Variants in FER observed in about 807,000 individuals in gnomAD.
FER encodes FER tyrosine kinase.
In FER, 63 loss-of-function variants were observed where a neutral mutation model predicts 111.0. That is an observed-to-expected ratio of 0.57 (90% CI 0.46 to 0.70). The LOEUF (loss-of-function observed/expected upper bound fraction) is 0.70, where lower values mean the gene tolerates loss of function less well. Among genes scored for constraint, FER ranks in the 30% least tolerant of loss-of-function variants. FER has a pLI of 0.00. For missense variants in FER, 914 were observed against 954.0 expected (o/e 0.96, Z 0.55); for synonymous variants, 327 against 313.9 (o/e 1.04, Z -0.44).
intron 13 of FER, among the ~76,000 whole-genome samples, chr5:109,001,723 A>G (rs1391251128): frequency 1.3e-5 from 2 of 152,176 alleles, no homozygotes; most frequent in African/African-American, 2.4e-5. Context: ...ATGATTGTAT[A>G]TCTAGAAAAC....
chr5:109,018,858 T>C (rs577459342), intron 13 of FER, among the ~76,000 whole-genome samples: 1 of 151,752 alleles, frequency 6.6e-6, no homozygotes, highest in South Asian at 2.1e-4. Flanking sequence ...AAGCCCTTGT[T>C]TGGACAAATA....
In FER at chr5:108,903,141, A is replaced by G. The variant is rs1750278618; in HGVS notation, c.1236+5293A>G. Among the ~76,000 whole-genome samples, 3 of 152,290 alleles carry G rather than the reference A, an allele frequency of 2.0e-5. No homozygotes were observed. The South Asian group carries it at 6.2e-4, about 32-fold the overall frequency. On this transcript the variant is annotated intron_variant, in intron 10 of 19. Transcript: ENST00000281092. ...TATATGTCAGATATGTCTAGAATTT[A>G]TGGCACCATAAAATGAATTTCTACT...
intron 17 of FER, among the ~76,000 whole-genome samples, chr5:109,162,987 C>A (rs1466194157): frequency 1.3e-5 from 2 of 152,110 alleles, no homozygotes; most frequent in Non-Finnish European, 2.9e-5. Context: ...TTCCCTCACA[C>A]TGTTTTGCAG....
intron 17 of FER, among the ~76,000 whole-genome samples, chr5:109,135,163 T>C (rs1369752845): frequency 1.3e-5 from 2 of 152,132 alleles, no homozygotes. Context: ...GGTGGGGAAA[T>C]GGTTGGAGAT....
At position 109,193,264 on chromosome 5, in the gene FER, C is replaced by T. The variant is rs1759507378; in HGVS notation, c.*5689C>T. 6.6e-6 allele frequency: 1 copy of T among 152,066 alleles called. No individual in the cohort carries two copies. The highest frequency in any genetic ancestry group is 6.6e-5 in the Admixed American group (1 of 15,254). 9.4% of individuals were successfully genotyped at this position (152,066 alleles called of 1,614,324 possible). A position where few individuals can be genotyped will look rare whatever the true frequency, so the allele number is the denominator to read the frequency against. ...GACACAACGGTGGTTCAGCCCTCTC[C>T]CTAAGCAGTAGCAAGCTGAGTAATG... is the stretch of plus-strand genomic sequence containing the variant. On this transcript the variant is annotated 3_prime_UTR_variant, in exon 20 of 20. Transcript: ENST00000281092.
At position 109,191,806 on chromosome 5, in the gene FER, T is replaced by A. The variant is rs1759402322; in HGVS notation, c.*4231T>A. ...TTCACATCAAGTCTGAATACTATAT[T>A]TTGGAAGAATCCAAAACCACATATG... On this transcript the variant is annotated 3_prime_UTR_variant, in exon 20 of 20. Transcript: ENST00000281092. The A allele has an allele frequency of 6.6e-6, 1 of 152,158 alleles. No individual in the cohort carries two copies. The highest frequency in any genetic ancestry group is 1.5e-5 in the Non-Finnish European group (1 of 68,024). 9.4% of individuals were successfully genotyped at this position (152,158 alleles called of 1,614,324 possible).
chr5:108,795,741 T>C (rs1354075781), intron 2 of FER, among the ~76,000 whole-genome samples: 1 of 152,236 alleles, frequency 6.6e-6, no homozygotes, highest in Non-Finnish European at 1.5e-5. Context: ...TTGTTAAATT[T>C]ATCTAGATAG....
chr5:108,775,482 T>C (rs1413748909), intron 2 of FER, among the ~76,000 whole-genome samples: 2 of 152,210 alleles, frequency 1.3e-5, no homozygotes, highest in Non-Finnish European at 2.9e-5. Flanking sequence ...ATAATTCTGC[T>C]CTCCTTAAAT....
chr5:108,947,045 A>T (rs1197400803), intron 11 of FER, among the ~76,000 whole-genome samples: 1 of 152,046 alleles, frequency 6.6e-6, no homozygotes, highest in African/African-American at 2.4e-5. Context: ...TTTGTGACTG[A>T]ATAATACTCC....
intron 17 of FER, among the ~76,000 whole-genome samples, chr5:109,137,721 A>G (rs1005021164): frequency 3.3e-5 from 5 of 152,162 alleles, no homozygotes; most frequent in Admixed American, 6.6e-5. Flanking sequence ...AATCTGGCAA[A>G]AGGCCCATAA....
intron 13 of FER, among the ~76,000 whole-genome samples, chr5:108,993,453 C>G (rs1460859826): frequency 6.6e-6 from 1 of 152,056 alleles, no homozygotes; most frequent in Non-Finnish European, 1.5e-5. Flanking sequence ...GCAGGAGAAT[C>G]AGGCAGGGAG....
At chr5:108,965,297 A>G (rs1175060972) in intron 13 of FER, among the ~76,000 whole-genome samples, 1 of 152,204 alleles carries the variant, frequency 6.6e-6, no homozygotes, top group East Asian at 1.9e-4. Flanking sequence ...CCAGCCTTCT[A>G]ACTTCATCTG....
At chr5:109,053,121 T>C (rs1773073972) in intron 16 of FER, among the ~76,000 whole-genome samples, 1 of 152,096 alleles carries the variant, frequency 6.6e-6, no homozygotes, top group South Asian at 2.1e-4. Flanking sequence ...GAACAGTGGC[T>C]CACGCCTGTA....
At chr5:109,157,892 G>A in intron 17 of FER, among the ~76,000 whole-genome samples, 1 of 152,090 alleles carries the variant, frequency 6.6e-6, no homozygotes, top group Middle Eastern at 3.2e-3. Flanking sequence ...TGACATTTGA[G>A]ACAGAGTCAG....
rs561971518 is a variant in FER at position 109,194,570 on chromosome 5, C to T, written c.*6995C>T. ...GTAACCAAAGAAGACAATAGAAATCCCACTTTACCCCACTGTCATCAGTTA... is the reference window on the plus strand; with the variant it reads ...GTAACCAAAGAAGACAATAGAAATCTCACTTTACCCCACTGTCATCAGTTA... On this transcript the variant is annotated 3_prime_UTR_variant, in exon 20 of 20. Transcript: ENST00000281092. 47 of 152,196 alleles carry T rather than the reference C, an allele frequency of 3.1e-4. No individual in the cohort carries two copies. Among genetic ancestry groups the T allele is most frequent in the African/African-American group, 1.1e-3 (46 of 41,530 alleles). The allele number at this position is 152,196 out of a possible 1,614,324, so 9.4% of individuals were successfully genotyped here. A position where few individuals can be genotyped will look rare whatever the true frequency, so the allele number is the denominator to read the frequency against.
At chr5:109,043,047 G>C (rs556980903) in intron 14 of FER, among the ~76,000 whole-genome samples, 2 of 152,206 alleles carry the variant, frequency 1.3e-5, no homozygotes, top group South Asian at 4.1e-4. Context: ...TAGAATTGAG[G>C]TCATGAATCA....
chr5:109,178,366 C>G (rs1435242743), intron 17 of FER, among the ~76,000 whole-genome samples: 1 of 152,302 alleles, frequency 6.6e-6, no homozygotes, highest in African/African-American at 2.4e-5. Flanking sequence ...AACCGTGATT[C>G]TCATTTCAGA....
intron 16 of FER, among the ~76,000 whole-genome samples, chr5:109,059,409 T>C (rs957750108): frequency 2.0e-5 from 3 of 150,774 alleles, no homozygotes; most frequent in Admixed American, 2.0e-4. Flanking sequence ...ACGCCTGTAG[T>C]CCCAGCTACT....
chr5:108,880,383 G>A (rs541908396), intron 8 of FER, among the ~76,000 whole-genome samples: 2 of 152,220 alleles, frequency 1.3e-5, no homozygotes, highest in East Asian at 3.9e-4. Context: ...ACCAGACTTG[G>A]GTGTCAGAAA....
Sources: allele counts gnomAD v4.1 joint callset (sites outside exome capture counted in the v4.1 genomes callset), GRCh38; gene constraint gnomAD v4.1.1; transcripts MANE v1.5; gene names NCBI Gene and HGNC (gene_info 2026-07-23, HGNC 2026-07-21).